Variants in PFKM observed in about 807,000 individuals in gnomAD.
PFKM encodes phosphofructokinase, muscle.
Under a neutral mutation model 95.5 loss-of-function variants are expected in PFKM, and 58 were observed. That is an observed-to-expected ratio of 0.61 (90% CI 0.49 to 0.76). The LOEUF (loss-of-function observed/expected upper bound fraction) is 0.76. Among genes scored for constraint, PFKM ranks in the 30% least tolerant of loss-of-function variants. The pLI is 0.00. For missense variants in PFKM, 678 were observed against 1,005.4 expected (o/e 0.67, Z 4.40); for synonymous variants, 336 against 357.2 (o/e 0.94, Z 0.67).
chr12:48,111,162 A>T (rs181331394), intron 3 of PFKM, among the ~76,000 whole-genome samples: 37 of 152,270 alleles, frequency 2.4e-4, no homozygotes, highest in Admixed American at 2.0e-3. Flanking sequence ...GACTCTCAAG[A>T]CTACTTCTAG....
rs768889149 is a variant in PFKM, at chr12:48,144,025, CT to C, written c.1881-17del. 3.3e-6 allele frequency: 5 copies of C among 1,535,872 alleles called. No individual in the cohort carries two copies. The highest frequency in any genetic ancestry group is 4.5e-6 in the Non-Finnish European group (5 of 1,108,630). On this transcript the variant is annotated intron_variant, in intron 19 of 22. Coordinates refer to ENST00000359794, the MANE Select transcript of PFKM (RefSeq NM_000289.6). ...GGGAAGCCAACCACAGAGTCACAGG[CT>C]TTTGGTCTCCACCTGGCAGGAATGA...
intron 2 of PFKM, among the ~76,000 whole-genome samples, chr12:48,127,876 A>G (rs911351009): frequency 6.6e-5 from 10 of 152,324 alleles, no homozygotes; most frequent in Admixed American, 6.5e-4. Flanking sequence ...AGAACTTTTC[A>G]TACAGTTTTG....
At chr12:48,116,725 T>C (rs1419125528), upstream of PFKM, among the ~76,000 whole-genome samples, 4 of 152,192 alleles carry the variant, frequency 2.6e-5, no homozygotes, top group Non-Finnish European at 5.9e-5. Flanking sequence ...ACAATCCACC[T>C]GCCTTGGCCT....
intron 4 of PFKM, 128 bp downstream of exon 4, chr12:48,131,521 G>T: frequency 1.3e-6 from 1 of 755,542 alleles, no homozygotes; most frequent in South Asian, 1.4e-5. Context: ...TGACAAGAGA[G>T]GGACCCTATT....
intron 14 of PFKM, 110 bp downstream of exon 14, chr12:48,140,981 C>T: frequency 8.6e-7 from 1 of 1,156,894 alleles, no homozygotes; most frequent in Non-Finnish European, 1.3e-6. Flanking sequence ...TCTCTCTCCT[C>T]TCTCAGGGTC....
chr12:48,127,771 T>C (rs1433161457), intron 2 of PFKM, among the ~76,000 whole-genome samples: 3 of 152,236 alleles, frequency 2.0e-5, no homozygotes, highest in Non-Finnish European at 4.4e-5. Context: ...GGATTCTTTG[T>C]TGTATGCAAC....
intron 15 of PFKM, 110 bp downstream of exon 15, chr12:48,141,491 C>T: frequency 4.2e-6 from 4 of 951,670 alleles, no homozygotes; most frequent in South Asian, 2.7e-5. Context: ...CTGGGTCCTC[C>T]ACCCTCAACC....
chr12:48,118,620 C>T (rs1392795258), upstream of PFKM: 5 of 1,063,222 alleles, frequency 4.7e-6, no homozygotes, highest in Non-Finnish European at 7.0e-6. Flanking sequence ...CTGGGAGCAT[C>T]TGACCCTTTT....
chr12:48,125,799 T>C (rs1006369774), intron 2 of PFKM, among the ~76,000 whole-genome samples: 7 of 152,178 alleles, frequency 4.6e-5, no homozygotes, highest in African/African-American at 1.7e-4. Flanking sequence ...GAGATCCTTT[T>C]ACCTCTCTGG....
At chr12:48,118,833 G>C (rs950499337), upstream of PFKM, among the ~76,000 whole-genome samples, 1 of 152,100 alleles carries the variant, frequency 6.6e-6, no homozygotes, top group South Asian at 2.1e-4. Flanking sequence ...AGTTTTTGAG[G>C]CTATTCTATA....
intron 1 of PFKM, chr12:48,107,324 C>A: frequency 7.8e-7 from 1 of 1,289,206 alleles, no homozygotes; most frequent in Non-Finnish European, 1.1e-6. Flanking sequence ...TCTTATTTCA[C>A]AGCTCTGTTC....
At chr12:48,130,295 T>C in intron 2 of PFKM, 68 bp from the exon 3 acceptor site, 1 of 939,172 alleles carries the variant, frequency 1.1e-6, no homozygotes, top group South Asian at 1.3e-5. Context: ...AAATGTAATA[T>C]CTCTGGATTC....
At chr12:48,136,477 C>T (rs951069900) in intron 10 of PFKM, among the ~76,000 whole-genome samples, 1 of 152,128 alleles carries the variant, frequency 6.6e-6, no homozygotes, top group Non-Finnish European at 1.5e-5. Flanking sequence ...CGACTATGAA[C>T]ATTTGTGTAC....
upstream of PFKM, among the ~76,000 whole-genome samples, chr12:48,117,393 T>C (rs560005475): frequency 2.6e-5 from 4 of 152,362 alleles, no homozygotes; most frequent in African/African-American, 9.6e-5. Context: ...ATATTTAGCT[T>C]TGTAAAAAAC....
chr12:48,128,219 C>T (rs549989115), intron 2 of PFKM, among the ~76,000 whole-genome samples: 1 of 152,216 alleles, frequency 6.6e-6, no homozygotes, highest in East Asian at 1.9e-4. Context: ...TTCCTTCTGG[C>T]AGGCTTAGAT....
At chr12:48,116,548 G>A (rs1462243084), upstream of PFKM, among the ~76,000 whole-genome samples, 1 of 152,012 alleles carries the variant, frequency 6.6e-6, no homozygotes, top group African/African-American at 2.4e-5. Flanking sequence ...GCGCAATCTC[G>A]GCTCACTGCA....
At chr12:48,109,331 C>T (rs1162982354) in intron 3 of PFKM, among the ~76,000 whole-genome samples, 3 of 151,156 alleles carry the variant, frequency 2.0e-5, no homozygotes, top group Non-Finnish European at 4.4e-5. Flanking sequence ...TCCTCCCTCC[C>T]TCCCTTCCTT....
chr12:48,128,143 T>A (rs1949042421), intron 2 of PFKM, among the ~76,000 whole-genome samples: 2 of 152,216 alleles, frequency 1.3e-5, no homozygotes, highest in South Asian at 4.1e-4. Flanking sequence ...GACAGAAAAA[T>A]TTTAAAGGAA....
intron 3 of PFKM, among the ~76,000 whole-genome samples, chr12:48,110,380 C>T (rs1197690830): frequency 6.6e-6 from 1 of 152,122 alleles, no homozygotes; most frequent in African/African-American, 2.4e-5. Flanking sequence ...GATCATATTG[C>T]GTTTTAAAAC....
Sources: allele counts gnomAD v4.1 joint callset (sites outside exome capture counted in the v4.1 genomes callset), GRCh38; gene constraint gnomAD v4.1.1; transcripts MANE v1.5; gene names NCBI Gene and HGNC (gene_info 2026-07-23, HGNC 2026-07-21).